The following LINGO1 variants were observed in gnomAD, a reference collection of about 807,000 sequenced individuals.
LINGO1 encodes the protein leucine-rich repeat and immunoglobulin-like domain-containing nogo receptor-interacting protein 1.
A neutral mutation model predicts 37.3 loss-of-function variants in LINGO1; 11 were observed. The observed-to-expected ratio is 0.29, with a 90% CI of 0.19 to 0.49. The LOEUF is 0.49. Ranked by LOEUF, LINGO1 falls within the 20% of genes least tolerant of loss-of-function variation. The pLI, the probability that LINGO1 is intolerant of heterozygous loss-of-function variation, is 0.99. For missense variants in LINGO1, 585 were observed against 878.2 expected (o/e 0.67, Z 4.22); for synonymous variants, 387 against 403.0 (o/e 0.96, Z 0.48).
intron 1 of LINGO1, among the ~76,000 whole-genome samples, chr15:77,771,683 G>A (rs1249704062): frequency 4.6e-5 from 7 of 152,226 alleles, no homozygotes; most frequent in Non-Finnish European, 8.8e-5. Flanking sequence ...GCTAGGCTAG[G>A]AGGCTGGGGT....
upstream of LINGO1, among the ~76,000 whole-genome samples, chr15:77,700,937 A>G (rs1475238851): frequency 1.3e-5 from 2 of 152,198 alleles, 1 homozygote; most frequent in African/African-American, 4.8e-5. Context: ...CTAAACAGGC[A>G]GGAGTGGGTG....
chr15:77,641,518 A>C (rs1300542945), intron 3 of LINGO1, among the ~76,000 whole-genome samples: 1 of 152,202 alleles, frequency 6.6e-6, no homozygotes, highest in Admixed American at 6.5e-5. Context: ...TATAAAGAAG[A>C]AAGCAGGTGT....
At chr15:77,771,662 G>A (rs1181515959) in intron 1 of LINGO1, among the ~76,000 whole-genome samples, 2 of 152,244 alleles carry the variant, frequency 1.3e-5, no homozygotes, top group African/African-American at 2.4e-5. Flanking sequence ...AGGAGGAGGA[G>A]ACTGCTGGAA....
chr15:77,673,432 T>C (rs1049589780), intron 3 of LINGO1, among the ~76,000 whole-genome samples: 3 of 115,280 alleles, frequency 2.6e-5, no homozygotes, highest in African/African-American at 1.1e-4. Flanking sequence ...GCTGAAACTA[T>C]GGTCACCTGT....
intron 1 of LINGO1, among the ~76,000 whole-genome samples, chr15:77,813,218 G>C (rs1485258441): frequency 6.6e-6 from 1 of 152,194 alleles, no homozygotes; most frequent in Non-Finnish European, 1.5e-5. Context: ...TTCCAGGAGG[G>C]GTGGCCAATA....
At chr15:77,622,929 C>A (rs1368222415) in intron 1 of LINGO1, among the ~76,000 whole-genome samples, 1 of 152,204 alleles carries the variant, frequency 6.6e-6, no homozygotes, top group African/African-American at 2.4e-5. Context: ...CCACCCTCTG[C>A]CCACACTGCT....
chr15:77,761,015 C>T (rs141537971), intron 1 of LINGO1, among the ~76,000 whole-genome samples: 161 of 145,980 alleles, frequency 1.1e-3, no homozygotes, highest in Admixed American at 4.8e-3. Flanking sequence ...CAACCTTTGC[C>T]TCCCAGAATC....
intron 1 of LINGO1, among the ~76,000 whole-genome samples, chr15:77,755,152 C>T (rs2141372887): frequency 6.6e-6 from 1 of 152,334 alleles, no homozygotes; most frequent in African/African-American, 2.4e-5. Flanking sequence ...TTCAGGAGCA[C>T]AGCAACACCC....
intron 2 of LINGO1, among the ~76,000 whole-genome samples, chr15:77,686,454 T>G (rs1485937686): frequency 6.6e-6 from 1 of 152,214 alleles, no homozygotes; most frequent in African/African-American, 2.4e-5. Context: ...CCCGGGAACA[T>G]GCCCAGCCTG....
At chr15:77,756,246 T>C (rs1167130149) in intron 1 of LINGO1, among the ~76,000 whole-genome samples, 1 of 152,178 alleles carries the variant, frequency 6.6e-6, no homozygotes, top group Admixed American at 6.5e-5. Flanking sequence ...ACCCATCACA[T>C]GTGGACAATG....
chr15:77,782,212 TACACAC>T (rs56734688), intron 1 of LINGO1, among the ~76,000 whole-genome samples: 60,172 of 149,970 alleles, frequency 0.4, 12,443 homozygotes, highest in South Asian at 0.51. Flanking sequence ...TGCGCACGCG[TACACAC>T]ACACACACAC....
chr15:77,688,955 C>T (rs1305853475), intron 2 of LINGO1, among the ~76,000 whole-genome samples: 3 of 152,188 alleles, frequency 2.0e-5, no homozygotes, highest in African/African-American at 4.8e-5. Context: ...GCAATGCACA[C>T]TGGGCCTTGG....
chr15:77,631,720 C>T (rs978196095), intron 1 of LINGO1, among the ~76,000 whole-genome samples: 3 of 152,248 alleles, frequency 2.0e-5, no homozygotes, highest in African/African-American at 7.2e-5. Context: ...GCCCCTAAAG[C>T]GTTCCTGGGC....
intron 2 of LINGO1, among the ~76,000 whole-genome samples, chr15:77,713,210 T>TTGTG (rs57831674): frequency 0.23 from 28,730 of 123,294 alleles, 3,610 homozygotes; most frequent in East Asian, 0.34. Context: ...GCCCAGCTAA[T>TTGTG]TGTGTGTGTG....
At chr15:77,691,813 T>C (rs1261857938) in intron 1 of LINGO1, among the ~76,000 whole-genome samples, 4 of 151,876 alleles carry the variant, frequency 2.6e-5, no homozygotes, top group African/African-American at 4.8e-5. Context: ...TGACGCTGAG[T>C]AATGTTTTCG....
At chr15:77,774,040 C>T (rs936788143) in intron 1 of LINGO1, among the ~76,000 whole-genome samples, 3 of 152,126 alleles carry the variant, frequency 2.0e-5, no homozygotes, top group Admixed American at 1.3e-4. Context: ...CCTACCCACC[C>T]ACTGCCCTCC....
intron 1 of LINGO1, among the ~76,000 whole-genome samples, chr15:77,762,133 G>A (rs768058557): frequency 6.6e-6 from 1 of 152,236 alleles, no homozygotes; most frequent in Non-Finnish European, 1.5e-5. Context: ...GGGTGAAAGA[G>A]AACAAGGAGA....
intron 1 of LINGO1, among the ~76,000 whole-genome samples, chr15:77,798,930 C>A (rs1256353919): frequency 1.4e-5 from 2 of 141,562 alleles, no homozygotes; most frequent in East Asian, 4.5e-4. Flanking sequence ...AAACACTGAT[C>A]AGAAAGCAGG....
chr15:77,707,725 C>T (rs1674855757), intron 2 of LINGO1, among the ~76,000 whole-genome samples: 1 of 152,182 alleles, frequency 6.6e-6, no homozygotes, highest in Admixed American at 6.5e-5. Flanking sequence ...CTCCAGCAGC[C>T]TCCAGGAGGG....
Sources: allele counts gnomAD v4.1 joint callset (sites outside exome capture counted in the v4.1 genomes callset), GRCh38; gene constraint gnomAD v4.1.1; transcripts MANE v1.5; gene names NCBI Gene and HGNC (gene_info 2026-07-23, HGNC 2026-07-21).